The following PCDHA7 variants were observed in gnomAD, a reference collection of about 807,000 sequenced individuals.
PCDHA7 encodes protocadherin alpha 7.
In PCDHA7, 37 loss-of-function variants were observed where a neutral mutation model predicts 57.2. The observed-to-expected ratio is 0.65, with a 90% confidence interval of 0.50 to 0.85. The LOEUF is 0.85. PCDHA7 is among the 40% of genes least tolerant of loss of function. PCDHA7 has a pLI of 0.00. For synonymous variants in PCDHA7, 553 were observed against 558.8 expected (o/e 0.99, Z 0.15); for missense variants, 1,188 against 1,241.8 (o/e 0.96, Z 0.65).
At chr5:140,843,797 TC>T (rs2150366805) in intron 1 of PCDHA7, 1 of 1,359,254 alleles carries the variant, frequency 7.4e-7, no homozygotes, top group South Asian at 1.4e-5. Flanking sequence ...ATTTAGTTTT[TC>T]ACCGTATTTT....
chr5:140,908,861 T>C (rs1554193539), intron 1 of PCDHA7, among the ~76,000 whole-genome samples: 1 of 152,160 alleles, frequency 6.6e-6, no homozygotes, highest in Admixed American at 6.5e-5. Flanking sequence ...AAATGAGGAA[T>C]GTGTTGCCTC....
intron 1 of PCDHA7, among the ~76,000 whole-genome samples, chr5:140,879,219 A>G (rs2057906971): frequency 6.6e-6 from 1 of 152,252 alleles, no homozygotes; most frequent in South Asian, 2.1e-4. Context: ...AATGAATTGA[A>G]AAAGACATAT....
intron 1 of PCDHA7, chr5:140,877,868 T>G: frequency 6.7e-7 from 1 of 1,488,916 alleles, no homozygotes; most frequent in Non-Finnish European, 8.9e-7. Context: ...TTAGATATAT[T>G]TGTTTCCTTG....
Position 140,965,232 on chromosome 5 carries a change from G to T in PCDHA7, c.2356-13717G>T, listed in dbSNP as rs192008157. ...TCCTGTGGAAGAAATGTGAGAACCT[G>T]GGAAGAGTGAATATTCAGAACTGAG... On this transcript the variant is annotated intron_variant, in intron 1 of 3. Coordinates refer to ENST00000525929, the MANE Select transcript of PCDHA7 (RefSeq NM_018910.3). Among the ~76,000 whole-genome samples, 4 of 152,312 alleles carry T rather than the reference G, an allele frequency of 2.6e-5. No individual in the cohort carries two copies. In the East Asian group the frequency reaches 7.7e-4, roughly 29 times the overall value.
intron 1 of PCDHA7, chr5:140,876,720 G>C (rs781797133): frequency 2.5e-6 from 4 of 1,614,264 alleles, no homozygotes; most frequent in Non-Finnish European, 3.4e-6. Flanking sequence ...TGGACCGCGA[G>C]AGCGTGTCGG....
chr5:140,979,110 C>A, intron 2 of PCDHA7, 103 bp downstream of exon 2: 1 of 1,515,726 alleles, frequency 6.6e-7, no homozygotes, highest in East Asian at 2.3e-5. Flanking sequence ...AACTAAAAAG[C>A]TTTAGGTACT....
In PCDHA7 at chr5:141,011,833, C is replaced by T. The variant is rs1223674434; in HGVS notation, c.*1896C>T. 6.5e-6 allele frequency: 1 copy of T among 153,366 alleles called. No individual in the cohort carries two copies. Among genetic ancestry groups the T allele is most frequent in the Non-Finnish European group, 1.5e-5 (1 of 67,994 alleles). 9.5% of individuals were successfully genotyped at this position (153,366 alleles called of 1,614,324 possible). On this transcript the variant is annotated 3_prime_UTR_variant, in exon 4 of 4. Transcript: ENST00000525929. ...TAGAAAGTAACAAAATTTGCTGTCA[C>T]CTTAAATAAGACATTTTAATTTTGT...
At chr5:140,952,962 C>T (rs246032) in intron 1 of PCDHA7, among the ~76,000 whole-genome samples, 1 of 151,598 alleles carries the variant, frequency 6.6e-6, no homozygotes, top group Non-Finnish European at 1.5e-5. Context: ...GGAAGTGATA[C>T]ACACTTTTAA....
chr5:140,897,446 T>G (rs2066114237), intron 1 of PCDHA7, among the ~76,000 whole-genome samples: 1 of 151,576 alleles, frequency 6.6e-6, no homozygotes, highest in South Asian at 2.1e-4. Context: ...GTGTTTGGTT[T>G]TTTGTCCTTG....
intron 1 of PCDHA7, among the ~76,000 whole-genome samples, chr5:140,900,317 G>A (rs188830675): frequency 3.3e-4 from 50 of 151,512 alleles, no homozygotes; most frequent in Non-Finnish European, 6.2e-4. Context: ...CACTTTTGTC[G>A]CCCAGGCTGG....
rs2150362585 is a variant in PCDHA7 at position 140,843,552 on chromosome 5, C to A, written c.2355+6814C>A. 3 of 1,595,800 alleles carry A rather than the reference C, an allele frequency of 1.9e-6. 1 individual carries two copies. The highest frequency in any genetic ancestry group is 4.5e-5 in the East Asian group (2 of 44,828). On this transcript the variant is annotated intron_variant, in intron 1 of 3. Coordinates refer to ENST00000525929, the MANE Select transcript of PCDHA7 (RefSeq NM_018910.3). ...AAGCCCACTCTGGTGTGCTCCAGTGCGGTGGGGAGCTGGTCATACTCGCAA... is the reference window on the plus strand; with the variant it reads ...AAGCCCACTCTGGTGTGCTCCAGTGAGGTGGGGAGCTGGTCATACTCGCAA...
chr5:141,002,399 T>C (rs1352771753), intron 3 of PCDHA7, among the ~76,000 whole-genome samples: 1 of 152,236 alleles, frequency 6.6e-6, no homozygotes, highest in African/African-American at 2.4e-5. Context: ...GGCATCTCTG[T>C]GCCTCCCAAA....
At chr5:140,944,354 A>G (rs2093646021) in intron 1 of PCDHA7, among the ~76,000 whole-genome samples, 1 of 151,968 alleles carries the variant, frequency 6.6e-6, no homozygotes, top group South Asian at 2.1e-4. Flanking sequence ...CACCTGGCTA[A>G]TTTTTAATTT....
chr5:140,938,828 G>A (rs570802606), intron 1 of PCDHA7, among the ~76,000 whole-genome samples: 84 of 152,072 alleles, frequency 5.5e-4, no homozygotes, highest in Admixed American at 1.4e-3. Context: ...ATGAGTTTGC[G>A]TTATAACAAA....
At chr5:140,859,474 T>A (rs1282422046) in intron 1 of PCDHA7, 1 of 210,268 alleles carries the variant, frequency 4.8e-6, no homozygotes, top group East Asian at 1.7e-4. Flanking sequence ...CTATCAATTG[T>A]GTTTTCCTGA....
chr5:140,934,925 A>G (rs2090105619), intron 1 of PCDHA7, among the ~76,000 whole-genome samples: 1 of 152,196 alleles, frequency 6.6e-6, no homozygotes, highest in African/African-American at 2.4e-5. Context: ...ATTCACATAA[A>G]GTTACAAAAC....
At chr5:140,843,070 G>T (rs2150351793) in intron 1 of PCDHA7, 5 of 1,595,368 alleles carry the variant, frequency 3.1e-6, no homozygotes, top group East Asian at 2.2e-5. Flanking sequence ...TGGTGCCGCG[G>T]TCTGTGGGCG....
chr5:141,007,094 A>G (rs559556000), intron 3 of PCDHA7, among the ~76,000 whole-genome samples: 1 of 152,300 alleles, frequency 6.6e-6, no homozygotes, highest in Admixed American at 6.5e-5. Context: ...AAGAGAGTCT[A>G]GGGCCAAACC....
At chr5:140,965,496 ATTTTTT>A (rs71766133) in intron 1 of PCDHA7, among the ~76,000 whole-genome samples, 2 of 146,442 alleles carry the variant, frequency 1.4e-5, no homozygotes, top group African/African-American at 2.5e-5. Flanking sequence ...ATGACAGCAG[ATTTTTT>A]TTTTTTTTTA....
Sources: gnomAD v4.1 joint callset for allele counts (sites outside exome capture counted in the v4.1 genomes callset) on GRCh38, gnomAD v4.1.1 for gene constraint, MANE v1.5 for transcripts, NCBI Gene and HGNC (gene_info 2026-07-23, HGNC 2026-07-21) for gene names.